The following NELFCD variants were observed in gnomAD, a reference collection of about 807,000 sequenced individuals.
NELFCD encodes the protein negative elongation factor complex member C/D, also known as negative elongation factor C/D.
In NELFCD, 48 loss-of-function variants were observed where a neutral mutation model predicts 72.9. The ratio of observed to expected loss-of-function variants is 0.66; its 90% CI spans 0.52 to 0.84. NELFCD has a LOEUF of 0.84. NELFCD is among the 40% of genes least tolerant of loss of function. The pLI, the probability that NELFCD is intolerant of heterozygous loss-of-function variation, is 0.00. For missense variants in NELFCD, 538 were observed against 723.8 expected (o/e 0.74, Z 2.94); for synonymous variants, 297 against 280.6 (o/e 1.06, Z -0.59).
intron 7 of NELFCD, 30 bp from the exon 8 acceptor site, chr20:58,990,880 G>T: frequency 6.3e-7 from 1 of 1,586,620 alleles, no homozygotes. Flanking sequence ...TGCCTTGTTA[G>T]TAACGGGGTC....
chr20:58,991,974 G>T lies in NELFCD; in HGVS notation c.1183G>T (p.Ala395Ser). ...HNLCCNENKG[A>S]SELVAELSTL... ...TTTGTGTTGCAACGAGAACAAAGGG[G>T]CCTCTGAACTAGTGGCAGAATTGAG... The change falls in exon 10 of 15, where the codon GCC (alanine) becomes TCC (serine). Residue 395 changes from alanine to serine, a missense_variant. This residue lies in a region of NELFCD where 355 missense variants were observed against 534.5 expected (regional missense o/e 0.66). Transcript: ENST00000652272. 6.2e-7 allele frequency: 1 copy of T among 1,614,170 alleles called. No homozygotes were observed. The highest frequency in any genetic ancestry group is 8.5e-7 in the Non-Finnish European group (1 of 1,180,028).
chr20:58,986,100 A>T lies in NELFCD; in HGVS notation c.68A>T (p.Asp23Val). Residue 23 changes from aspartate to valine, a missense_variant, in exon 2 of 15, where the codon GAT becomes GTT. Coordinates refer to ENST00000652272, the MANE Select transcript of NELFCD (RefSeq NM_198976.4). The surrounding 1 kb of genome is among the most constrained non-coding windows in gnomAD (Gnocchi z 4.4). Reference protein sequence around the residue: ...GDEADGGQQEDDSGEGEDDAE... With the variant: ...GDEADGGQQEVDSGEGEDDAE... The stretch of plus-strand genomic sequence containing the variant: ...CTTCGCATTTACCAACAGCAGGAGG[A>T]TGATTCTGGAGAAGGAGAGGATGAT... 9 of 1,611,548 alleles carry T rather than the reference A, an allele frequency of 5.6e-6. No individual in the cohort carries two copies. Among genetic ancestry groups the T allele is most frequent in the Non-Finnish European group, 7.6e-6 (9 of 1,177,552 alleles).
intron 10 of NELFCD, 149 bp downstream of exon 10, chr20:58,992,169 T>A: frequency 2.6e-6 from 2 of 773,398 alleles, no homozygotes; most frequent in Non-Finnish European, 3.9e-6. Flanking sequence ...TAGGGAACTT[T>A]AAACAGCTTT....
In NELFCD at chr20:58,991,057, C is replaced by T; in HGVS notation, c.936C>T (p.Asp312=). The change falls in exon 8 of 15, where the codon GAC becomes GAT. Residue 312 remains aspartate (D), a synonymous_variant. Coordinates refer to ENST00000652272, the MANE Select transcript of NELFCD (RefSeq NM_198976.4). The part of the protein sequence containing the change: ...TVLFKMFTSM[D]PPPVELIRVP... Reference sequence around the variant, plus strand: ...TGTTCAAGATGTTCACAAGCATGGACCCTCCTCCGGTTGAACTTGTAAGTT... The same window carrying T: ...TGTTCAAGATGTTCACAAGCATGGATCCTCCTCCGGTTGAACTTGTAAGTT... 6.2e-7 allele frequency: 1 copy of T among 1,613,476 alleles called. No homozygotes were observed. Among genetic ancestry groups the T allele is most frequent in the Non-Finnish European group, 8.5e-7 (1 of 1,179,684 alleles).
At chr20:58,991,100 A>T (rs759443656) in intron 8 of NELFCD, 25 bp downstream of exon 8, 1 of 1,608,520 alleles carries the variant, frequency 6.2e-7, no homozygotes, top group Non-Finnish European at 8.5e-7. Context: ...AAGAATCCCC[A>T]ATGTCAGCTG....
In NELFCD at chr20:58,993,145, CAG is replaced by C. The variant is rs2091829933; in HGVS notation, c.1344+34_1344+35del. ...GGCGGAGAGCTGTTCACAGCCTACA[CAG>C]TGTCTGTCTCATGCTGTTTACGTTG... On this transcript the variant is annotated intron_variant, in intron 11 of 14. Coordinates refer to ENST00000652272, the MANE Select transcript of NELFCD (RefSeq NM_198976.4). The surrounding 1 kb of genome is among the most constrained non-coding windows in gnomAD (Gnocchi z 5.0). 1 of 1,451,792 alleles carries C rather than the reference CAG, an allele frequency of 6.9e-7. No homozygotes were observed. Among genetic ancestry groups the C allele is most frequent in the Non-Finnish European group, 9.7e-7 (1 of 1,031,828 alleles). The allele number at this position is 1,451,792 out of a possible 1,614,324, so 89.9% of individuals were successfully genotyped here. A position where few individuals can be genotyped will look rare whatever the true frequency, so the allele number is the denominator to read the frequency against.
At chr20:58,987,201 C>T (rs949121719) in intron 3 of NELFCD, 8 of 282,394 alleles carry the variant, frequency 2.8e-5, no homozygotes, top group Admixed American at 2.1e-4. Flanking sequence ...CAGTAAATGA[C>T]GGATAATTTA....
At chr20:58,984,159 T>C (rs2091756034) in intron 1 of NELFCD, among the ~76,000 whole-genome samples, 6 of 152,084 alleles carry the variant, frequency 3.9e-5, no homozygotes, top group Admixed American at 3.3e-4. Context: ...TGGTGGAAAC[T>C]AAGAGCTGCA....
intron 1 of NELFCD, among the ~76,000 whole-genome samples, chr20:58,984,791 A>T (rs2091760857): frequency 6.6e-6 from 1 of 152,228 alleles, no homozygotes; most frequent in African/African-American, 2.4e-5. Flanking sequence ...GAGCAGGTAG[A>T]TAGCATGACC....
chr20:58,990,922 C>T lies in NELFCD; in HGVS notation c.801C>T (p.Ala267=). Reference sequence around the variant, plus strand: ...TTTTCTCATCAAGAGGTCATGACGCCAGTCAGATCACACTAGCCTTGGGCA... The same window carrying T: ...TTTTCTCATCAAGAGGTCATGACGCTAGTCAGATCACACTAGCCTTGGGCA... The part of the protein sequence containing the change: ...QRFAQEKGHD[A]SQITLALGTA... The change falls in exon 8 of 15, where the codon GCC becomes GCT. Residue 267 remains alanine, a synonymous_variant. Transcript: ENST00000652272. The T allele has an allele frequency of 6.2e-7, 1 of 1,613,746 alleles. No individual in the cohort carries two copies. The highest frequency in any genetic ancestry group is 1.7e-4 in the Middle Eastern group (1 of 6,058).
In NELFCD at chr20:58,994,953, A is replaced by G; in HGVS notation, c.*277A>G. 1 of 412,528 alleles carries G rather than the reference A, an allele frequency of 2.4e-6. No individual in the cohort carries two copies. The highest frequency in any genetic ancestry group is 4.3e-6 in the Non-Finnish European group (1 of 231,972). 25.6% of individuals were successfully genotyped at this position (412,528 alleles called of 1,614,324 possible). A position where few individuals can be genotyped will look rare whatever the true frequency, so the allele number is the denominator to read the frequency against. On this transcript the variant is annotated 3_prime_UTR_variant, in exon 15 of 15. Transcript: ENST00000652272. The stretch of plus-strand genomic sequence containing the variant: ...AGGCGCTGGGCTCCCACGACCCCTC[A>G]GGACAGATCTGGCCGTCAGCCGCGG...
chr20:58,982,839 C>T (rs140063386), intron 1 of NELFCD, among the ~76,000 whole-genome samples: 26 of 152,248 alleles, frequency 1.7e-4, no homozygotes, highest in African/African-American at 5.1e-4. Flanking sequence ...TCAGACTTAG[C>T]TAACTGAGAG....
In NELFCD at chr20:58,991,309, C is replaced by T; in HGVS notation, c.955-3C>T. ...CCCGAACTGGGCATATGCTTCTCCTCAGATCCGCGTTCCAGCCTTCCTGGA... is the reference window on the plus strand; with the variant it reads ...CCCGAACTGGGCATATGCTTCTCCTTAGATCCGCGTTCCAGCCTTCCTGGA... On this transcript the variant is annotated splice_region_variant and splice_polypyrimidine_tract_variant and intron_variant, in intron 8 of 14. Coordinates refer to ENST00000652272, the MANE Select transcript of NELFCD (RefSeq NM_198976.4). The T allele has an allele frequency of 1.2e-6, 2 of 1,614,226 alleles. No homozygotes were observed. Among genetic ancestry groups the T allele is most frequent in the Non-Finnish European group, 1.7e-6 (2 of 1,180,044 alleles).
rs1010086943 is a variant in NELFCD at position 58,991,810 on chromosome 20, C to T, written c.1090-71C>T. ...GGGAAAGTGCTTTGCAAGAAGTGGC[C>T]GACACCAGAACACCCCGACAGCAGG... On this transcript the variant is annotated intron_variant, in intron 9 of 14. Transcript: ENST00000652272. The T allele has an allele frequency of 6.1e-5, 95 of 1,551,928 alleles. No individual in the cohort carries two copies. In the Admixed American group the frequency reaches 9.4e-4, roughly 15 times the overall value.
At chr20:58,982,552 C>T (rs974327098) in intron 1 of NELFCD, among the ~76,000 whole-genome samples, 2 of 152,168 alleles carry the variant, frequency 1.3e-5, no homozygotes, top group African/African-American at 2.4e-5. Context: ...GTGGGGCTTA[C>T]GTTGATAAAC....
intron 10 of NELFCD, 65 bp downstream of exon 10, chr20:58,992,085 A>T (rs2091821884): frequency 5.4e-6 from 8 of 1,475,744 alleles, no homozygotes; most frequent in Middle Eastern, 3.5e-4. Flanking sequence ...GAGTTTTCAT[A>T]TTGAAAGCTC....
At chr20:58,984,967 C>T (rs1308908153) in intron 1 of NELFCD, among the ~76,000 whole-genome samples, 1 of 152,212 alleles carries the variant, frequency 6.6e-6, no homozygotes, top group Non-Finnish European at 1.5e-5. Flanking sequence ...ACAGCTTTTA[C>T]TGGGAAGTCA....
intron 7 of NELFCD, 83 bp downstream of exon 7, chr20:58,990,071 A>G: frequency 3.2e-6 from 5 of 1,541,738 alleles, no homozygotes; most frequent in Non-Finnish European, 3.5e-6. Flanking sequence ...CCACAGCCAA[A>G]GCTGCTAGCT....
At position 58,987,772 on chromosome 20, in the gene NELFCD, T is replaced by G. The variant is rs771340766; in HGVS notation, c.351T>G (p.His117Gln). The G allele has an allele frequency of 9.3e-6, 15 of 1,614,164 alleles. No individual in the cohort carries two copies. The highest frequency in any genetic ancestry group is 1.3e-5 in the African/African-American group (1 of 75,050). The change falls in exon 4 of 15, where the codon CAT becomes CAG. Residue 117 changes from histidine to glutamine, a missense_variant. His to Gln is a conservative substitution (Grantham distance 24, BLOSUM62 0). Around this residue, in one of 3 missense-constraint regions of NELFCD, gnomAD observed 355 missense variants for 534.5 expected, o/e 0.66. Coordinates refer to ENST00000652272, the MANE Select transcript of NELFCD (RefSeq NM_198976.4). ...ACTTGAAGAGTTTGCTGATCAAACA[T>G]TTTGACCCCCGCAAAGCAGATTCTA... is the stretch of plus-strand genomic sequence containing the variant. ...ENHLKSLLIKHFDPRKADSIF... is the reference protein window; with the variant it reads ...ENHLKSLLIKQFDPRKADSIF...
Sources: gnomAD v4.1 joint callset for allele counts (sites outside exome capture counted in the v4.1 genomes callset) on GRCh38, gnomAD v4.1.1 for gene constraint, gnomAD v4.1.1 regional missense constraint, Gnocchi (gnomAD v3.1) non-coding constraint, MANE v1.5 for transcripts, NCBI Gene and HGNC (gene_info 2026-07-23, HGNC 2026-07-21) for gene names.